The following GSE1 variants were observed in gnomAD, a reference collection of about 807,000 sequenced individuals.
The protein encoded by GSE1 is genetic suppressor element 1.
A neutral mutation model predicts 112.6 loss-of-function variants in GSE1; 32 were observed. The observed-to-expected ratio is 0.28, with a 90% CI of 0.21 to 0.38. The LOEUF (loss-of-function observed/expected upper bound fraction) is 0.38, where lower values mean the gene tolerates loss of function less well. GSE1 is among the 10% of genes least tolerant of loss of function. The pLI is 1.00. For synonymous variants in GSE1, 1,115 were observed against 735.6 expected (o/e 1.52, Z -8.35); for missense variants, 2,348 against 1,699.2 (o/e 1.38, Z -6.71).
At chr16:85,665,352 T>G (rs1163978200) in intron 12 of GSE1, among the ~76,000 whole-genome samples, 1 of 152,252 alleles carries the variant, frequency 6.6e-6, no homozygotes, top group African/African-American at 2.4e-5. Flanking sequence ...GTCTGGCTTC[T>G]GTGGAGCTCT....
At chr16:85,304,962 G>A (rs1038853371) in intron 1 of GSE1, among the ~76,000 whole-genome samples, 2 of 152,190 alleles carry the variant, frequency 1.3e-5, no homozygotes, top group Non-Finnish European at 2.9e-5. Flanking sequence ...ACCCAGTGTG[G>A]GACCCACTTC....
chr16:85,654,715 A>G, intron 4 of GSE1, 79 bp from the exon 5 acceptor site: 2 of 889,164 alleles, frequency 2.2e-6, no homozygotes, highest in Admixed American at 2.0e-5. Flanking sequence ...GGGGTGATGC[A>G]GGGAGTTTAG....
chr16:85,656,661 A>G lies in GSE1; in HGVS notation c.1308A>G (p.Arg436=). The change falls in exon 7 of 16, where the codon CGA becomes CGG. Residue 436 remains arginine, a synonymous_variant. Coordinates refer to ENST00000253458, the MANE Select transcript of GSE1 (RefSeq NM_014615.5). ...GKPSEQLTPT[R]AEKLKDAGLQ... ...CCTCGGAGCAGCTGACCCCAACCCGAGCAGGTACCTGGGCGTGGGTGGGCT... is the reference window on the plus strand; with the variant it reads ...CCTCGGAGCAGCTGACCCCAACCCGGGCAGGTACCTGGGCGTGGGTGGGCT... 6.6e-7 allele frequency: 1 copy of G among 1,514,212 alleles called. No individual in the cohort carries two copies. Among genetic ancestry groups the G allele is most frequent in the Non-Finnish European group, 8.9e-7 (1 of 1,129,742 alleles). 93.8% of individuals were successfully genotyped at this position (1,514,212 alleles called of 1,614,324 possible).
At position 85,660,394 on chromosome 16, in the gene GSE1, C is replaced by T. The variant is rs369538695; in HGVS notation, c.1641-752C>T. Among the ~76,000 whole-genome samples, 54 of 152,186 alleles carry T rather than the reference C, an allele frequency of 3.5e-4. 1 individual carries two copies. In the East Asian group the frequency reaches 8.2e-3, roughly 23 times the overall value. ...GCTCACTCCTGTAATCCCAGCACTT[C>T]GGGAGGCCAAGGCAGGTGGATCACT... is the stretch of plus-strand genomic sequence containing the variant. On this transcript the variant is annotated intron_variant, in intron 8 of 15. Coordinates refer to ENST00000253458, the MANE Select transcript of GSE1 (RefSeq NM_014615.5).
intron 1 of GSE1, among the ~76,000 whole-genome samples, chr16:85,225,780 C>G (rs571437035): frequency 1.3e-5 from 2 of 152,312 alleles, no homozygotes; most frequent in South Asian, 4.1e-4. Context: ...CAGAATACCT[C>G]AAAACATTGT....
intron 2 of GSE1, among the ~76,000 whole-genome samples, chr16:85,494,528 C>T (rs1474008494): frequency 6.6e-6 from 1 of 151,094 alleles, no homozygotes; most frequent in Non-Finnish European, 1.5e-5. Context: ...TCCCAGCTCA[C>T]TGCAGCCTCC....
At chr16:85,457,246 A>G (rs1259310833) in intron 2 of GSE1, among the ~76,000 whole-genome samples, 1 of 152,194 alleles carries the variant, frequency 6.6e-6, no homozygotes, top group Non-Finnish European at 1.5e-5. Context: ...TATCTGGGCA[A>G]GGTCAGGAAC....
exon 2 of GSE1, chr16:85,357,470 G>C: frequency 4.9e-6 from 6 of 1,225,368 alleles, no homozygotes; most frequent in Non-Finnish European, 6.3e-6. Flanking sequence ...CAGCCTGTTT[G>C]TGGATCTCTG....
chr16:85,618,490 G>T (rs2048520581), intron 1 of GSE1, among the ~76,000 whole-genome samples: 1 of 152,192 alleles, frequency 6.6e-6, no homozygotes. Flanking sequence ...CTCTTGCTTA[G>T]CCTGTGTGAC....
chr16:85,316,370 C>T (rs547167513), intron 1 of GSE1, among the ~76,000 whole-genome samples: 7 of 152,322 alleles, frequency 4.6e-5, no homozygotes, highest in African/African-American at 1.2e-4. Flanking sequence ...GCTTATAGCA[C>T]GTCTCAATCT....
chr16:85,365,891 T>G (rs562179370), intron 2 of GSE1, among the ~76,000 whole-genome samples: 16 of 152,180 alleles, frequency 1.1e-4, no homozygotes, highest in Non-Finnish European at 2.4e-4. Context: ...ATGTGGCAGA[T>G]CGCCTCCCTG....
intron 1 of GSE1, among the ~76,000 whole-genome samples, chr16:85,309,329 C>T (rs7206862): frequency 0.034 from 5,098 of 152,016 alleles, 145 homozygotes; most frequent in African/African-American, 0.072. Context: ...AGACCCCTAT[C>T]TCTACAAAAA....
chr16:85,367,196 C>T (rs1597500194), intron 2 of GSE1, among the ~76,000 whole-genome samples: 1 of 152,374 alleles, frequency 6.6e-6, no homozygotes, highest in East Asian at 1.9e-4. Context: ...CTTGCCCTCA[C>T]CCATGACCTT....
intron 1 of GSE1, among the ~76,000 whole-genome samples, chr16:85,213,267 C>CA (rs1209853671): frequency 0.021 from 1,672 of 79,994 alleles, 19 homozygotes; most frequent in African/African-American, 0.065. Flanking sequence ...GACTCTGTTT[C>CA]AAAAAAAAAA....
chr16:85,198,796 C>T (rs973617522), intron 1 of GSE1, among the ~76,000 whole-genome samples: 4 of 151,722 alleles, frequency 2.6e-5, no homozygotes, highest in South Asian at 2.1e-4. Context: ...TTTTTTATTT[C>T]GAGACAGGGT....
chr16:85,514,448 G>A (rs1374704716), intron 2 of GSE1, among the ~76,000 whole-genome samples: 1 of 127,984 alleles, frequency 7.8e-6, no homozygotes, highest in Admixed American at 8.6e-5. Context: ...CCCCAGGGCA[G>A]CTCCTGGGGC....
At chr16:85,294,099 C>G (rs16975483) in intron 1 of GSE1, among the ~76,000 whole-genome samples, 2,222 of 152,304 alleles carry the variant, frequency 0.015, 71 homozygotes, top group African/African-American at 0.051. Flanking sequence ...AGAGCATAGC[C>G]TGGCTCCCCG....
chr16:85,314,084 A>ATGTGTGTGTGACACAGCTCTGTGTG (rs941830718), intron 1 of GSE1, among the ~76,000 whole-genome samples: 2 of 150,896 alleles, frequency 1.3e-5, no homozygotes, highest in Non-Finnish European at 3.0e-5. Context: ...AGCCATTTGT[A>ATGTGTGTGTGACACAGCTCTGTGTG]TGTGTGTGTG....
At chr16:85,629,232 T>G (rs1326488582) in intron 1 of GSE1, among the ~76,000 whole-genome samples, 3 of 152,168 alleles carry the variant, frequency 2.0e-5, no homozygotes, top group Admixed American at 2.0e-4. Context: ...TTACACAGCC[T>G]CGGGTATTTC....
Sources: allele counts gnomAD v4.1 joint callset (sites outside exome capture counted in the v4.1 genomes callset), GRCh38; gene constraint gnomAD v4.1.1; transcripts MANE v1.5; gene names NCBI Gene and HGNC (gene_info 2026-07-23, HGNC 2026-07-21).